C3orf20: variants seen among roughly 807,000 people sequenced by gnomAD.
C3orf20 encodes the protein family with sequence similarity 149 member C, also known as uncharacterized protein C3orf20.
Under a neutral mutation model 88.3 loss-of-function variants are expected in C3orf20, and 76 were observed. The observed-to-expected ratio is 0.86, with a 90% CI of 0.72 to 1.04. C3orf20 has a LOEUF of 1.04. Among genes scored for constraint, C3orf20 ranks in the 50% least tolerant of loss-of-function variants. The pLI is 0.00. For synonymous variants in C3orf20, 436 were observed against 437.4 expected (o/e 1.00, Z 0.04); for missense variants, 1,056 against 1,123.3 (o/e 0.94, Z 0.86).
At chr3:14,744,298 A>G (rs1023994187) in intron 12 of C3orf20, among the ~76,000 whole-genome samples, 3 of 152,114 alleles carry the variant, frequency 2.0e-5, no homozygotes, top group African/African-American at 7.3e-5. Context: ...CTAAAACATA[A>G]CAAGAGTCAC....
chr3:14,677,871 C>G (rs17040124), intron 1 of C3orf20, among the ~76,000 whole-genome samples: 1,608 of 152,188 alleles, frequency 0.011, 13 homozygotes, highest in African/African-American at 0.037. Flanking sequence ...TGGCTAACCC[C>G]TAGCAGCAGC....
At chr3:14,750,734 T>C (rs1559439609) in intron 12 of C3orf20, among the ~76,000 whole-genome samples, 1 of 152,186 alleles carries the variant, frequency 6.6e-6, no homozygotes, top group Admixed American at 6.5e-5. Context: ...GTTTTCAAGA[T>C]GTTATGTCTT....
intron 7 of C3orf20, among the ~76,000 whole-genome samples, chr3:14,708,160 T>C (rs1308124587): frequency 6.6e-6 from 1 of 152,212 alleles, no homozygotes; most frequent in African/African-American, 2.4e-5. Context: ...CTTATAGGTC[T>C]TGCGGTCTTT....
chr3:14,713,983 G>A, intron 7 of C3orf20, 24 bp from the exon 8 acceptor site: 1 of 1,613,566 alleles, frequency 6.2e-7, no homozygotes, highest in South Asian at 1.1e-5. Context: ...TTTTCTGTTA[G>A]TTCTACCTGA....
Position 14,707,134 on chromosome 3 carries a change from A to G in C3orf20, c.1160+2516A>G, listed in dbSNP as rs1472827403. 3.3e-5 allele frequency among the ~76,000 whole-genome samples: 5 copies of G among 151,152 alleles called. No individual in the cohort carries two copies. In the Admixed American group the frequency reaches 3.3e-4, roughly 10 times the overall value. On this transcript the variant is annotated intron_variant, in intron 7 of 16. Coordinates refer to ENST00000253697, the MANE Select transcript of C3orf20 (RefSeq NM_032137.5). Reference sequence around the variant, plus strand: ...TGTGGTGGCGGGCGCCTGTAGTCCCAGCTACTCAGGAGGCTGAGGCAGGAG... The same window carrying G: ...TGTGGTGGCGGGCGCCTGTAGTCCCGGCTACTCAGGAGGCTGAGGCAGGAG...
At chr3:14,685,238 A>G (rs1321313185) in intron 4 of C3orf20, among the ~76,000 whole-genome samples, 2 of 152,182 alleles carry the variant, frequency 1.3e-5, no homozygotes, top group Non-Finnish European at 2.9e-5. Flanking sequence ...CTGTGGGAGG[A>G]TATTACTTTT....
intron 3 of C3orf20, 108 bp downstream of exon 3, chr3:14,683,305 G>T (rs1371115102): frequency 1.4e-6 from 2 of 1,386,180 alleles, no homozygotes; most frequent in Non-Finnish European, 9.6e-7. Flanking sequence ...GTAGGAATTG[G>T]ATGCCTTCCC....
At chr3:14,703,002 C>T (rs73137403) in intron 5 of C3orf20, 128 bp from the exon 6 acceptor site, 26,909 of 1,160,422 alleles carry the variant, frequency 0.023, 404 homozygotes, top group African/African-American at 0.056. Flanking sequence ...TAAAATCCAG[C>T]GGGACAAATT....
chr3:14,682,595 A>C lies in C3orf20; in HGVS notation c.-119A>C. Reference sequence around the variant, plus strand: ...CCGGATAGGAACCACTGGCTCAATGACCTGTAAGGGCCGTTTCAGCACATC... The same window carrying C: ...CCGGATAGGAACCACTGGCTCAATGCCCTGTAAGGGCCGTTTCAGCACATC... On this transcript the variant is annotated 5_prime_UTR_variant, in exon 3 of 17. Coordinates refer to ENST00000253697, the MANE Select transcript of C3orf20 (RefSeq NM_032137.5). 1 of 1,305,568 alleles carries C rather than the reference A, an allele frequency of 7.7e-7. No homozygotes were observed. The highest frequency in any genetic ancestry group is 1.0e-6 in the Non-Finnish European group (1 of 955,774). 80.9% of individuals were successfully genotyped at this position (1,305,568 alleles called of 1,614,324 possible).
chr3:14,713,958 G>A (rs539518904), intron 7 of C3orf20, 49 bp from the exon 8 acceptor site: 1 of 1,607,088 alleles, frequency 6.2e-7, no homozygotes, highest in South Asian at 1.1e-5. Context: ...ACAACTGAGA[G>A]CAGAACCAGG....
At position 14,761,489 on chromosome 3, in the gene C3orf20, A is replaced by G. The variant is rs754783442; in HGVS notation, c.2369A>G (p.Lys790Arg). Residue 790 changes from lysine (K) to arginine (R), a missense_variant, in exon 15 of 17, where the codon AAG becomes AGG. Transcript: ENST00000253697. ...TGTCAACAGATGTTTGCCGGGGGGAAGCTCATTTTTGGGGGCCGTGTTTTG... is the reference window on the plus strand; with the variant it reads ...TGTCAACAGATGTTTGCCGGGGGGAGGCTCATTTTTGGGGGCCGTGTTTTG... Reference protein sequence around the residue: ...QGMILMFAGGKLIFGGRVLNG... With the variant: ...QGMILMFAGGRLIFGGRVLNG... The G allele has an allele frequency of 1.2e-6, 2 of 1,613,738 alleles. No individual in the cohort carries two copies. The highest frequency in any genetic ancestry group is 2.2e-5 in the East Asian group (1 of 44,786).
chr3:14,766,015 G>T (rs2035692843), intron 15 of C3orf20, among the ~76,000 whole-genome samples: 1 of 152,182 alleles, frequency 6.6e-6, no homozygotes. Context: ...AAAACAACTG[G>T]GGGAGTCTGC....
intron 15 of C3orf20, among the ~76,000 whole-genome samples, chr3:14,764,265 G>C (rs1267144083): frequency 6.6e-6 from 1 of 151,994 alleles, no homozygotes; most frequent in African/African-American, 2.4e-5. Flanking sequence ...GATGGTCTAG[G>C]TTCTTGAAAA....
At chr3:14,676,366 A>C (rs972931596) in intron 1 of C3orf20, among the ~76,000 whole-genome samples, 16 of 152,106 alleles carry the variant, frequency 1.1e-4, no homozygotes, top group Non-Finnish European at 2.9e-5. Flanking sequence ...TAAAAAGAAA[A>C]GGCTTTGTAT....
intron 10 of C3orf20, among the ~76,000 whole-genome samples, chr3:14,723,402 A>G (rs1385495105): frequency 6.6e-6 from 1 of 152,262 alleles, no homozygotes; most frequent in Non-Finnish European, 1.5e-5. Context: ...TTAATTCATT[A>G]ACAAATTCAA....
intron 9 of C3orf20, among the ~76,000 whole-genome samples, chr3:14,717,379 G>A (rs958416385): frequency 6.6e-6 from 1 of 152,198 alleles, no homozygotes; most frequent in Admixed American, 6.5e-5. Context: ...AGGTGGCCCT[G>A]GGGTTGTAGC....
intron 10 of C3orf20, among the ~76,000 whole-genome samples, chr3:14,725,700 A>T (rs1428218152): frequency 6.6e-6 from 1 of 152,140 alleles, no homozygotes; most frequent in Non-Finnish European, 1.5e-5. Context: ...TCGTGGGCTG[A>T]CTTTGTTGTT....
intron 13 of C3orf20, 118 bp from the exon 14 acceptor site, chr3:14,759,773 G>A (rs930065102): frequency 3.0e-5 from 23 of 761,404 alleles, no homozygotes; most frequent in Admixed American, 6.3e-5. Flanking sequence ...GAGTTGGGGA[G>A]AGGGAGTTGT....
intron 10 of C3orf20, among the ~76,000 whole-genome samples, chr3:14,726,479 A>G (rs2124984210): frequency 6.6e-6 from 1 of 152,348 alleles, no homozygotes; most frequent in East Asian, 1.9e-4. Context: ...TTACTCACGA[A>G]TGCAATAGCA....
Sources: allele counts gnomAD v4.1 joint callset (sites outside exome capture counted in the v4.1 genomes callset), GRCh38; gene constraint gnomAD v4.1.1; transcripts MANE v1.5; gene names NCBI Gene and HGNC (gene_info 2026-07-23, HGNC 2026-07-21).